NAPA: variants seen among roughly 807,000 people sequenced by gnomAD.
The protein encoded by NAPA is alpha-soluble NSF attachment protein.
A neutral mutation model predicts 48.0 loss-of-function variants in NAPA; 18 were observed. The ratio of observed to expected loss-of-function variants is 0.38; its 90% CI spans 0.26 to 0.56. The LOEUF (loss-of-function observed/expected upper bound fraction) is 0.56, where lower values mean the gene tolerates loss of function less well. Ranked by LOEUF, NAPA falls within the 20% of genes least tolerant of loss-of-function variation. The probability of loss-of-function intolerance (pLI) is 0.77; values close to 1 mark genes in which losing one functional copy is unlikely to be tolerated. For missense variants in NAPA, 315 were observed against 385.0 expected (o/e 0.82, Z 1.52); for synonymous variants, 152 against 149.9 (o/e 1.01, Z -0.10).
At chr19:47,507,369 G>C (rs920126176) in intron 1 of NAPA, among the ~76,000 whole-genome samples, 1 of 152,210 alleles carries the variant, frequency 6.6e-6, no homozygotes, top group Admixed American at 6.5e-5. Context: ...CCAGGGGGTT[G>C]TGCAGGGCAG....
intron 8 of NAPA, chr19:47,491,472 C>T (rs1968265519): frequency 6.5e-6 from 1 of 154,080 alleles, no homozygotes. Context: ...GGTAAAAAAA[C>T]TCCGGCCAAG....
chr19:47,493,351 T>G lies in NAPA; in HGVS notation c.420+65A>C. On this transcript the variant is annotated intron_variant, in intron 5 of 10. Coordinates refer to ENST00000263354, the MANE Select transcript of NAPA (RefSeq NM_003827.4). This position sits in a 1 kb window ranked among gnomAD's most constrained non-coding sequence, Gnocchi z 6.4. Reference sequence around the variant, plus strand: ...CTCAGACACCAGAGGACTCCCCTGGTGGGAAGAAGAGAGAGCAGCACTGGT... The same window carrying G: ...CTCAGACACCAGAGGACTCCCCTGGGGGGAAGAAGAGAGAGCAGCACTGGT... 2 of 1,579,284 alleles carry G rather than the reference T, an allele frequency of 1.3e-6. No individual in the cohort carries two copies. The highest frequency in any genetic ancestry group is 8.7e-7 in the Non-Finnish European group (1 of 1,150,454).
chr19:47,497,014 A>C (rs1968443699), intron 3 of NAPA: 1 of 321,904 alleles, frequency 3.1e-6, no homozygotes, highest in East Asian at 9.2e-5. Flanking sequence ...GCAGATGAGG[A>C]GGAAGGGGAG....
At position 47,493,413 on chromosome 19, in the gene NAPA, C is replaced by G; in HGVS notation, c.420+3G>C. The stretch of plus-strand genomic sequence containing the variant: ...GCCCATGCAGGGCCCTGCTGCCACT[C>G]ACCTTCTCGATGTCCACCAACTCTG... On this transcript the variant is annotated splice_donor_region_variant and intron_variant, in intron 5 of 10. Coordinates refer to ENST00000263354, the MANE Select transcript of NAPA (RefSeq NM_003827.4). The surrounding 1 kb of genome is among the most constrained non-coding windows in gnomAD (Gnocchi z 6.4). 1.2e-6 allele frequency: 2 copies of G among 1,613,998 alleles called. No individual in the cohort carries two copies. Among genetic ancestry groups the G allele is most frequent in the East Asian group, 4.5e-5 (2 of 44,876 alleles).
rs1968336248 is a variant in NAPA, at chr19:47,493,468, T to C, written c.368A>G (p.His123Arg). The change falls in exon 5 of 11, where the codon CAC becomes CGC. Residue 123 changes from histidine to arginine, a missense_variant. Transcript: ENST00000263354. This position sits in a 1 kb window ranked among gnomAD's most constrained non-coding sequence, Gnocchi z 6.4. Reference protein sequence around the residue: ...DMGRFTIAAKHHISIAEIYET... With the variant: ...DMGRFTIAAKRHISIAEIYET... ...ATAGATCTCAGCAATGGAGATGTGG[T>C]GCTTGGCCGCAATCGTGAATCGGCC... 1 of 1,613,872 alleles carries C rather than the reference T, an allele frequency of 6.2e-7. No homozygotes were observed. The highest frequency in any genetic ancestry group is 1.3e-5 in the African/African-American group (1 of 74,890).
intron 1 of NAPA, among the ~76,000 whole-genome samples, chr19:47,507,508 C>G (rs1159461028): frequency 6.6e-6 from 1 of 152,164 alleles, no homozygotes; most frequent in East Asian, 1.9e-4. Flanking sequence ...CAAAGTCAGG[C>G]CCCCATTTCG....
At chr19:47,489,933 G>A (rs1412271580) in intron 9 of NAPA, among the ~76,000 whole-genome samples, 172 bp from the exon 10 acceptor site, 1 of 152,178 alleles carries the variant, frequency 6.6e-6, no homozygotes, top group Non-Finnish European at 1.5e-5. Context: ...GGCGTGTTGC[G>A]ATCCTGCTGC....
In NAPA at chr19:47,488,147, C is replaced by G; in HGVS notation, c.*141G>C. ...CCTGGGCCTCTGGCGCCCCTGCATG[C>G]TGACCCCCGGTGCCACCTGCCCACT... is the stretch of plus-strand genomic sequence containing the variant. On this transcript the variant is annotated 3_prime_UTR_variant, in exon 11 of 11. Transcript: ENST00000263354. The G allele has an allele frequency of 1.4e-6, 1 of 709,406 alleles. No homozygotes were observed. The highest frequency in any genetic ancestry group is 2.4e-6 in the Non-Finnish European group (1 of 424,330). 43.9% of individuals were successfully genotyped at this position (709,406 alleles called of 1,614,324 possible).
chr19:47,489,864 G>A (rs1968191948), intron 9 of NAPA, 103 bp from the exon 10 acceptor site: 1 of 1,245,850 alleles, frequency 8.0e-7, no homozygotes, highest in Admixed American at 1.9e-5. Context: ...CCTGGGGCTG[G>A]GGCTTCCTGA....
At chr19:47,499,478 G>A (rs1306564365) in intron 3 of NAPA, among the ~76,000 whole-genome samples, 1 of 152,226 alleles carries the variant, frequency 6.6e-6, no homozygotes, top group Non-Finnish European at 1.5e-5. Context: ...GGTCATCACT[G>A]CATCAACCAC....
chr19:47,488,600 G>C, intron 10 of NAPA: 1 of 370,978 alleles, frequency 2.7e-6, no homozygotes, highest in Non-Finnish European at 4.8e-6. Context: ...CCTTGGGGGA[G>C]AAAGATATTG....
rs1456189897 is a variant in NAPA at position 47,506,467 on chromosome 19, G to A, written c.99-2965C>T. On this transcript the variant is annotated intron_variant, in intron 1 of 10. Transcript: ENST00000263354. This position sits in a 1 kb window ranked among gnomAD's most constrained non-coding sequence, Gnocchi z 4.0. ...GGACATTTTCAGACCTTAATCACAG[G>A]TCTGCCCACCCCACAGGTCCCCCAG... Among the ~76,000 whole-genome samples, 1 of 152,128 alleles carries A rather than the reference G, an allele frequency of 6.6e-6. No individual in the cohort carries two copies. The highest frequency in any genetic ancestry group is 1.5e-5 in the Non-Finnish European group (1 of 68,024).
chr19:47,496,722 G>T, intron 3 of NAPA: 1 of 350,452 alleles, frequency 2.9e-6, no homozygotes, highest in South Asian at 2.1e-5. Context: ...TCACGGTCTG[G>T]ATGGGACTCC....
At position 47,489,920 on chromosome 19, in the gene NAPA, A is replaced by C. The variant is rs549891431; in HGVS notation, c.736-159T>G. The stretch of plus-strand genomic sequence containing the variant: ...CGTGTGGGTTAAACTGGGGATGGGT[A>C]CGGGCGTGTTGCGATCCTGCTGCCC... On this transcript the variant is annotated intron_variant, in intron 9 of 10. Coordinates refer to ENST00000263354, the MANE Select transcript of NAPA (RefSeq NM_003827.4). 4.6e-5 allele frequency among the ~76,000 whole-genome samples: 7 copies of C among 152,320 alleles called. No homozygotes were observed. In the East Asian group the frequency reaches 1.2e-3, roughly 25 times the overall value.
At chr19:47,495,369 G>A (rs1968394004) in intron 4 of NAPA, 181 bp downstream of exon 4, 2 of 671,278 alleles carry the variant, frequency 3.0e-6, no homozygotes, top group South Asian at 1.8e-5. Flanking sequence ...TGGGGAGCTG[G>A]GTGAAGACCC....
chr19:47,509,103 G>T (rs1599918926), intron 1 of NAPA, among the ~76,000 whole-genome samples: 1 of 151,914 alleles, frequency 6.6e-6, no homozygotes, highest in African/African-American at 2.4e-5. Flanking sequence ...AAATAAAATG[G>T]AGACAATGAA....
At chr19:47,487,407 G>C (rs1333056369), downstream of NAPA, among the ~76,000 whole-genome samples, 1 of 152,176 alleles carries the variant, frequency 6.6e-6, no homozygotes, top group Non-Finnish European at 1.5e-5. Flanking sequence ...CAAGAACCCA[G>C]AGAAAGATCA....
intron 4 of NAPA, 118 bp downstream of exon 4, chr19:47,495,432 C>G: frequency 8.6e-7 from 1 of 1,165,494 alleles, no homozygotes; most frequent in Non-Finnish European, 1.3e-6. Flanking sequence ...CCACTTCCCC[C>G]TCCCCAAGTG....
intron 1 of NAPA, among the ~76,000 whole-genome samples, chr19:47,505,939 C>T (rs1351216434): frequency 6.6e-6 from 1 of 151,976 alleles, no homozygotes; most frequent in Non-Finnish European, 1.5e-5. Flanking sequence ...TGTCTTCCCT[C>T]ACCCACCTCA....
Sources: gnomAD v4.1 joint callset for allele counts (sites outside exome capture counted in the v4.1 genomes callset) on GRCh38, gnomAD v4.1.1 for gene constraint, Gnocchi (gnomAD v3.1) non-coding constraint, MANE v1.5 for transcripts, NCBI Gene and HGNC (gene_info 2026-07-23, HGNC 2026-07-21) for gene names.